The following ARFIP1 variants were observed in gnomAD, a reference collection of about 807,000 sequenced individuals.
ARFIP1 encodes arfaptin-1.
ARFIP1 carries 24 observed loss-of-function variants against 42.5 expected under a neutral mutation model. That is an observed-to-expected ratio of 0.57 (90% CI 0.41 to 0.80). ARFIP1 has a LOEUF of 0.80. Ranked by LOEUF, ARFIP1 falls within the 30% of genes least tolerant of loss-of-function variation. ARFIP1 has a pLI of 0.00. For synonymous variants in ARFIP1, 141 were observed against 153.7 expected (o/e 0.92, Z 0.61); for missense variants, 354 against 434.0 (o/e 0.82, Z 1.64).
intron 3 of ARFIP1, among the ~76,000 whole-genome samples, chr4:152,867,287 AG>A (rs1228005473): frequency 2.6e-5 from 4 of 152,178 alleles, no homozygotes; most frequent in Non-Finnish European, 5.9e-5. Context: ...CGCGGTTAGG[AG>A]CTGGTGACCA....
chr4:152,824,857 T>TC (rs1194956929), intron 1 of ARFIP1, among the ~76,000 whole-genome samples: 1 of 151,996 alleles, frequency 6.6e-6, no homozygotes, highest in Non-Finnish European at 1.5e-5. Context: ...GTATACAAAA[T>TC]CAGTGTACAC....
At chr4:152,796,535 A>C (rs1348178124) in intron 1 of ARFIP1, 1 of 772,302 alleles carries the variant, frequency 1.3e-6, no homozygotes, top group Non-Finnish European at 2.4e-6. Context: ...TCATATTGGA[A>C]AGTACTTTAG....
At chr4:152,805,299 G>GA (rs1277438279) in intron 1 of ARFIP1, among the ~76,000 whole-genome samples, 3 of 152,204 alleles carry the variant, frequency 2.0e-5, no homozygotes, top group Non-Finnish European at 4.4e-5. Flanking sequence ...CATTTACTTA[G>GA]AAAAGGGATT....
chr4:152,848,808 T>C (rs1160973188), intron 2 of ARFIP1, among the ~76,000 whole-genome samples: 1 of 152,232 alleles, frequency 6.6e-6, no homozygotes, highest in Non-Finnish European at 1.5e-5. Context: ...TCTTTTCTCC[T>C]TCAGCCATCC....
chr4:152,875,276 T>A (rs1735223032), intron 5 of ARFIP1, among the ~76,000 whole-genome samples: 1 of 151,426 alleles, frequency 6.6e-6, no homozygotes, highest in South Asian at 2.1e-4. Flanking sequence ...TATTTTCATC[T>A]ACAGAAATAG....
chr4:152,863,944 A>G (rs560384979), intron 3 of ARFIP1, among the ~76,000 whole-genome samples: 1 of 152,380 alleles, frequency 6.6e-6, no homozygotes, highest in South Asian at 2.1e-4. Context: ...ATTTAAGAAT[A>G]GGTTATAAAA....
intron 8 of ARFIP1, among the ~76,000 whole-genome samples, chr4:152,892,216 A>G (rs991757271): frequency 3.3e-5 from 5 of 152,094 alleles, no homozygotes; most frequent in South Asian, 2.1e-4. Flanking sequence ...TAGTCATCCT[A>G]TTTCTTAACA....
chr4:152,804,202 G>T (rs1728722767), intron 1 of ARFIP1, among the ~76,000 whole-genome samples: 1 of 113,514 alleles, frequency 8.8e-6, no homozygotes, highest in Non-Finnish European at 1.7e-5. Flanking sequence ...AATATAACAT[G>T]TATTATATAT....
chr4:152,829,406 A>G (rs1400845933), intron 1 of ARFIP1, among the ~76,000 whole-genome samples: 1 of 152,194 alleles, frequency 6.6e-6, no homozygotes, highest in African/African-American at 2.4e-5. Flanking sequence ...CCTACAACAA[A>G]TATGTAACTC....
chr4:152,880,348 G>C (rs1169122846), intron 5 of ARFIP1, among the ~76,000 whole-genome samples: 5 of 111,384 alleles, frequency 4.5e-5, no homozygotes, highest in African/African-American at 1.5e-4. Context: ...CTCCATCTCA[G>C]ACAAAAAAAA....
At chr4:152,788,403 T>C (rs1486635034) in intron 1 of ARFIP1, among the ~76,000 whole-genome samples, 1 of 151,214 alleles carries the variant, frequency 6.6e-6, no homozygotes, top group African/African-American at 2.4e-5. Flanking sequence ...AGATAGGCTG[T>C]GCACAGTGGC....
intron 8 of ARFIP1, 80 bp downstream of exon 8, chr4:152,888,387 TTAACTC>T (rs1736447047): frequency 9.8e-7 from 1 of 1,015,320 alleles, no homozygotes; most frequent in South Asian, 1.9e-5. Context: ...TCTGTTTCTG[TTAACTC>T]TCTTGTATGA....
chr4:152,836,626 C>A (rs971969412), intron 2 of ARFIP1, among the ~76,000 whole-genome samples: 1 of 152,114 alleles, frequency 6.6e-6, no homozygotes, highest in African/African-American at 2.4e-5. Context: ...AATCTTGATA[C>A]TGGTAGTTTA....
At chr4:152,827,583 C>T (rs899923794) in intron 1 of ARFIP1, among the ~76,000 whole-genome samples, 3 of 152,184 alleles carry the variant, frequency 2.0e-5, no homozygotes, top group Non-Finnish European at 4.4e-5. Flanking sequence ...TCACTAACTT[C>T]TAGCACCCTC....
chr4:152,844,200 G>T (rs1732353374), intron 2 of ARFIP1, among the ~76,000 whole-genome samples: 1 of 152,190 alleles, frequency 6.6e-6, no homozygotes. Flanking sequence ...TCTCCAGTGG[G>T]AGTGTGTTTG....
In ARFIP1 at chr4:152,866,232, A is replaced by C. The variant is rs139854405; in HGVS notation, c.202+2518A>C. ...ATCCCAAGGCAGAAGAATTTTTCTT[A>C]GTACAGAAAAAATGAAATGTCTCCC... On this transcript the variant is annotated intron_variant, in intron 3 of 8. Transcript: ENST00000353617. 4.5e-3 allele frequency among the ~76,000 whole-genome samples: 689 copies of C among 152,378 alleles called. 5 individuals are homozygous for C. The highest frequency in any genetic ancestry group is 0.013 in the South Asian group (61 of 4,832).
At chr4:152,901,085 T>C (rs1737795653) in intron 8 of ARFIP1, among the ~76,000 whole-genome samples, 1 of 152,242 alleles carries the variant, frequency 6.6e-6, no homozygotes, top group African/African-American at 2.4e-5. Flanking sequence ...ATATGAAGAC[T>C]AATAACTTAT....
intron 8 of ARFIP1, among the ~76,000 whole-genome samples, chr4:152,890,492 A>T (rs1736754627): frequency 6.6e-6 from 1 of 152,196 alleles, no homozygotes; most frequent in South Asian, 2.1e-4. Flanking sequence ...AGAAAATAGA[A>T]GCACATGTAC....
intron 2 of ARFIP1, among the ~76,000 whole-genome samples, chr4:152,841,286 A>T (rs1035132415): frequency 2.6e-5 from 4 of 152,024 alleles, no homozygotes; most frequent in African/African-American, 9.7e-5. Flanking sequence ...CGCCCCCCTC[A>T]GCCTCCCAAA....
Sources: gnomAD v4.1 joint callset for allele counts (sites outside exome capture counted in the v4.1 genomes callset) on GRCh38, gnomAD v4.1.1 for gene constraint, MANE v1.5 for transcripts, NCBI Gene and HGNC (gene_info 2026-07-23, HGNC 2026-07-21) for gene names.